FOXK1: variants seen among roughly 807,000 people sequenced by gnomAD.
The protein encoded by FOXK1 is forkhead box protein K1.
In FOXK1, 19 loss-of-function variants were observed where a neutral mutation model predicts 51.9. That is an observed-to-expected ratio of 0.37 (90% CI 0.26 to 0.54). FOXK1 has a LOEUF of 0.54. Ranked by LOEUF, FOXK1 falls within the 20% of genes least tolerant of loss-of-function variation. The pLI is 0.87. For missense variants in FOXK1, 870 were observed against 1,032.7 expected, an observed-to-expected ratio of 0.84 and a Z score of 2.16; for synonymous variants, 537 against 482.6, an observed-to-expected ratio of 1.11 and a Z score of -1.48.
In FOXK1 at chr7:4,749,262, C is replaced by T. The variant is rs1394776947; in HGVS notation, c.747-5197C>T. The stretch of plus-strand genomic sequence containing the variant: ...GGACGGGAACCATGTTTCATCTCCT[C>T]CCAAGCTCCCGTAGGCTTCCCTGGG... On this transcript the variant is annotated intron_variant, in intron 2 of 8. Coordinates refer to ENST00000328914, the MANE Select transcript of FOXK1 (RefSeq NM_001037165.2). This position sits in a 1 kb window ranked among gnomAD's most constrained non-coding sequence, Gnocchi z 6.0. 6.6e-6 allele frequency among the ~76,000 whole-genome samples: 1 copy of T among 152,190 alleles called. No individual in the cohort carries two copies. Among genetic ancestry groups the T allele is most frequent in the African/African-American group, 2.4e-5 (1 of 41,444 alleles).
At position 4,722,312 on chromosome 7, in the gene FOXK1, A is replaced by G. The variant is rs978569086; in HGVS notation, c.561-18526A>G. Among the ~76,000 whole-genome samples the G allele has an allele frequency of 2.0e-5, 3 of 151,738 alleles. No homozygotes were observed. Among genetic ancestry groups the G allele is most frequent in the African/African-American group, 7.3e-5 (3 of 41,290 alleles). ...GATTCCAAAATCTGTTGTTCTAGAA[A>G]CTCTCTAAGGTTTTACCCAGATTCC... is the stretch of plus-strand genomic sequence containing the variant. On this transcript the variant is annotated intron_variant, in intron 1 of 8. Coordinates refer to ENST00000328914, the MANE Select transcript of FOXK1 (RefSeq NM_001037165.2). This position sits in a 1 kb window ranked among gnomAD's most constrained non-coding sequence, Gnocchi z 5.1.
Position 4,703,457 on chromosome 7 carries a change from C to T in FOXK1, c.560+20589C>T, listed in dbSNP as rs1225696173. The stretch of plus-strand genomic sequence containing the variant: ...AGGGCTGGTGGCGTCCAGCACAGGG[C>T]AGGGTCCTGGTGTCCTCGCCCCACA... On this transcript the variant is annotated intron_variant, in intron 1 of 8. Transcript: ENST00000328914. This position sits in a 1 kb window ranked among gnomAD's most constrained non-coding sequence, Gnocchi z 5.6. Among the ~76,000 whole-genome samples the T allele has an allele frequency of 6.6e-6, 1 of 152,210 alleles. No individual in the cohort carries two copies. Among genetic ancestry groups the T allele is most frequent in the Admixed American group, 6.5e-5 (1 of 15,282 alleles).
intron 1 of FOXK1, among the ~76,000 whole-genome samples, chr7:4,700,581 C>T (rs576979542): frequency 1.3e-5 from 2 of 152,062 alleles, no homozygotes; most frequent in South Asian, 2.1e-4. Context: ...TTTGGGAGGC[C>T]GAGGTGGGAG....
At chr7:4,754,749 C>A (rs1780821404) in intron 3 of FOXK1, 134 bp downstream of exon 3, 4 of 1,129,206 alleles carry the variant, frequency 3.5e-6, no homozygotes, top group Admixed American at 2.6e-5. Flanking sequence ...GGGAATGGAG[C>A]CGCAGCTGGC....
At position 4,756,713 on chromosome 7, in the gene FOXK1, C is replaced by T. The variant is rs149672194; in HGVS notation, c.1051-281C>T. Among the ~76,000 whole-genome samples the T allele has an allele frequency of 0.014, 2,101 of 151,240 alleles. 40 individuals are homozygous for T. Among genetic ancestry groups the T allele is most frequent in the African/African-American group, 0.039 (1,618 of 41,212 alleles). On this transcript the variant is annotated intron_variant, in intron 4 of 8. Transcript: ENST00000328914. This position sits in a 1 kb window ranked among gnomAD's most constrained non-coding sequence, Gnocchi z 4.1. ...CCGGGAGGCGGAACTTGCAGTGAGCCGAGATCGTGCCACTGCACTCCATCC... is the reference window on the plus strand; with the variant it reads ...CCGGGAGGCGGAACTTGCAGTGAGCTGAGATCGTGCCACTGCACTCCATCC...
At chr7:4,728,748 AAAAG>A (rs1405229020) in intron 1 of FOXK1, among the ~76,000 whole-genome samples, 7 of 148,758 alleles carry the variant, frequency 4.7e-5, no homozygotes, top group Non-Finnish European at 5.9e-5. Flanking sequence ...AAAAAAAAAA[AAAAG>A]AAAGAAAAGA....
In FOXK1 at chr7:4,761,665, C is replaced by A. The variant is rs1780934140; in HGVS notation, c.1921+377C>A. 6.6e-6 allele frequency among the ~76,000 whole-genome samples: 1 copy of A among 151,994 alleles called. No homozygotes were observed. The highest frequency in any genetic ancestry group is 6.6e-5 in the Admixed American group (1 of 15,264). On this transcript the variant is annotated intron_variant, in intron 8 of 8. Coordinates refer to ENST00000328914, the MANE Select transcript of FOXK1 (RefSeq NM_001037165.2). The surrounding 1 kb of genome is among the most constrained non-coding windows in gnomAD (Gnocchi z 6.2). Reference sequence around the variant, plus strand: ...TCAGCTGTGATTGCTCCGCTACCTGCCAGCCTGGGTGACTGAGCGAGACCC... The same window carrying A: ...TCAGCTGTGATTGCTCCGCTACCTGACAGCCTGGGTGACTGAGCGAGACCC...
At chr7:4,712,012 TG>T (rs1473863934) in intron 1 of FOXK1, among the ~76,000 whole-genome samples, 1 of 149,832 alleles carries the variant, frequency 6.7e-6, no homozygotes, top group African/African-American at 2.4e-5. Context: ...AGTCCGAAGC[TG>T]GAAGTTCAGA....
chr7:4,705,958 A>ATG (rs1237131883), intron 1 of FOXK1, among the ~76,000 whole-genome samples: 1 of 127,038 alleles, frequency 7.9e-6, no homozygotes, highest in Non-Finnish European at 1.6e-5. Context: ...ATATATATAT[A>ATG]TGTATATATA....
At chr7:4,686,121 G>A (rs980554376) in intron 1 of FOXK1, among the ~76,000 whole-genome samples, 2 of 152,106 alleles carry the variant, frequency 1.3e-5, no homozygotes, top group South Asian at 2.1e-4. Context: ...TTTTCTCTCC[G>A]GCTTTGGTAC....
rs1350208847 is a variant in FOXK1 at position 4,723,915 on chromosome 7, C to T, written c.561-16923C>T. ...CGACCTCCTAGGCTCAAGCGATCCT[C>T]CTACCTCAGCTTCCCAAAGTGCTGG... is the stretch of plus-strand genomic sequence containing the variant. On this transcript the variant is annotated intron_variant, in intron 1 of 8. Transcript: ENST00000328914. The surrounding 1 kb of genome is among the most constrained non-coding windows in gnomAD (Gnocchi z 4.7). Among the ~76,000 whole-genome samples the T allele has an allele frequency of 6.6e-6, 1 of 152,096 alleles. No individual in the cohort carries two copies.
chr7:4,745,799 A>T lies in FOXK1; in HGVS notation c.746+4776A>T. ...AAGCTACTTGGGAGGCTGAGGCAGG[A>T]GAATTGCTTGAACCTAGGAGGCAGA... On this transcript the variant is annotated intron_variant, in intron 2 of 8. Transcript: ENST00000328914. The surrounding 1 kb of genome is among the most constrained non-coding windows in gnomAD (Gnocchi z 4.3). 6.6e-6 allele frequency among the ~76,000 whole-genome samples: 1 copy of T among 152,102 alleles called. No individual in the cohort carries two copies. Among genetic ancestry groups the T allele is most frequent in the East Asian group, 1.9e-4 (1 of 5,190 alleles).
In FOXK1 at chr7:4,682,537, G is replaced by A. The variant is rs543100102; in HGVS notation, c.229G>A (p.Val77Ile). 2.7e-5 allele frequency: 31 copies of A among 1,136,354 alleles called. No homozygotes were observed. The South Asian group carries it at 1.2e-3, about 43-fold the overall frequency. 70.4% of individuals were successfully genotyped at this position (1,136,354 alleles called of 1,614,324 possible). Residue 77 changes from valine to isoleucine, a missense_variant, in exon 1 of 9, where the codon GTA becomes ATA. Physicochemically the swap from Val to Ile is conservative, Grantham distance 29. This residue lies in a region of FOXK1 where 399 missense variants were observed against 475.6 expected (regional missense o/e 0.84). Coordinates refer to ENST00000328914, the MANE Select transcript of FOXK1 (RefSeq NM_001037165.2). This position sits in a 1 kb window ranked among gnomAD's most constrained non-coding sequence, Gnocchi z 7.6. ...GGGCTCCTCCGGGGGCTCCTCCGGGGTATCCGGGGACTCCGCGGTCGCGGG... is the reference window on the plus strand; with the variant it reads ...GGGCTCCTCCGGGGGCTCCTCCGGGATATCCGGGGACTCCGCGGTCGCGGG... ...GAGSSGGSSG[V>I]SGDSAVAGAA...
rs1047589308 is a variant in FOXK1, at chr7:4,759,299, C to A, written c.1412-12C>A. On this transcript the variant is annotated splice_polypyrimidine_tract_variant and intron_variant, in intron 6 of 8. Coordinates refer to ENST00000328914, the MANE Select transcript of FOXK1 (RefSeq NM_001037165.2). ...GGGAGGGGTCACCGTCCGCTCTCCG[C>A]CCTCCGTGCAGGCTCCCCCGTCAGC... The A allele has an allele frequency of 1.0e-5, 16 of 1,601,432 alleles. No homozygotes were observed. The highest frequency in any genetic ancestry group is 1.7e-4 in the Middle Eastern group (1 of 6,056).
At position 4,705,991 on chromosome 7, in the gene FOXK1, T is replaced by TAC. The variant is rs1349686942; in HGVS notation, c.560+23124_560+23125dup. 6.3e-4 allele frequency among the ~76,000 whole-genome samples: 63 copies of TAC among 100,522 alleles called. 2 individuals carry two copies. The highest frequency in any genetic ancestry group is 2.2e-3 in the Admixed American group (25 of 11,248). The allele number at this position is 100,522 out of a possible 152,430, so 65.9% of individuals were successfully genotyped here. ...ATATATACGTATATATACGTATATA[T>TAC]ACGTATATATACGTATATATACGTA... On this transcript the variant is annotated intron_variant, in intron 1 of 8. Coordinates refer to ENST00000328914, the MANE Select transcript of FOXK1 (RefSeq NM_001037165.2).
Position 4,733,796 on chromosome 7 carries a change from A to G in FOXK1, c.561-7042A>G, listed in dbSNP as rs1014912499. On this transcript the variant is annotated intron_variant, in intron 1 of 8. Transcript: ENST00000328914. This position sits in a 1 kb window ranked among gnomAD's most constrained non-coding sequence, Gnocchi z 5.0. ...TTCTCTCACGGGAGAGGCTGCTCTG[A>G]GGTCCCCGAAGCTGCAGGCTGGGTG... 6.6e-6 allele frequency among the ~76,000 whole-genome samples: 1 copy of G among 152,172 alleles called. No individual in the cohort carries two copies. Among genetic ancestry groups the G allele is most frequent in the Non-Finnish European group, 1.5e-5 (1 of 68,022 alleles).
At chr7:4,717,513 G>A (rs1310251745) in intron 1 of FOXK1, among the ~76,000 whole-genome samples, 1 of 150,526 alleles carries the variant, frequency 6.6e-6, no homozygotes, top group South Asian at 2.1e-4. Flanking sequence ...GCTGGGAGGT[G>A]CCTGGCTGGG....
At chr7:4,688,080 A>G (rs1583178915) in intron 1 of FOXK1, among the ~76,000 whole-genome samples, 2 of 152,110 alleles carry the variant, frequency 1.3e-5, no homozygotes, top group East Asian at 1.9e-4. Flanking sequence ...AAACATAGAC[A>G]TAGAGTAACA....
In FOXK1 at chr7:4,707,463, C is replaced by A. The variant is rs1780117044; in HGVS notation, c.560+24595C>A. Among the ~76,000 whole-genome samples the A allele has an allele frequency of 6.6e-6, 1 of 152,180 alleles. No individual in the cohort carries two copies. Among genetic ancestry groups the A allele is most frequent in the African/African-American group, 2.4e-5 (1 of 41,444 alleles). On this transcript the variant is annotated intron_variant, in intron 1 of 8. Transcript: ENST00000328914. The surrounding 1 kb of genome is among the most constrained non-coding windows in gnomAD (Gnocchi z 4.1). ...CGTGTTATTAATCTACTTTATGACC[C>A]AGTTTCCCCAAATGGATAATTTCGC...
Sources: allele counts gnomAD v4.1 joint callset (sites outside exome capture counted in the v4.1 genomes callset), GRCh38; gene constraint gnomAD v4.1.1; regional missense constraint gnomAD v4.1.1; non-coding constraint Gnocchi (gnomAD v3.1); transcripts MANE v1.5; gene names NCBI Gene and HGNC (gene_info 2026-07-23, HGNC 2026-07-21).